Variants in STAG1 observed in about 807,000 individuals in gnomAD.
The protein encoded by STAG1 is cohesin subunit SA-1.
A neutral mutation model predicts 170.9 loss-of-function variants in STAG1; 26 were observed. That is an observed-to-expected ratio of 0.15 (90% CI 0.11 to 0.21). The LOEUF (loss-of-function observed/expected upper bound fraction) is 0.21, where lower values mean the gene tolerates loss of function less well. Among genes scored for constraint, STAG1 ranks in the 10% least tolerant of loss-of-function variants. STAG1 has a pLI of 1.00. For synonymous variants in STAG1, 514 were observed against 497.7 expected (o/e 1.03, Z -0.44); for missense variants, 964 against 1,509.5 (o/e 0.64, Z 5.99).
chr3:136,362,215 T>A (rs1936896785), intron 26 of STAG1, among the ~76,000 whole-genome samples: 1 of 151,420 alleles, frequency 6.6e-6, no homozygotes, highest in South Asian at 2.1e-4. Flanking sequence ...CGCCTCGGCC[T>A]CCCAAAGTGC....
intron 13 of STAG1, among the ~76,000 whole-genome samples, chr3:136,462,784 A>C (rs2089310896): frequency 6.6e-6 from 1 of 152,214 alleles, no homozygotes; most frequent in Admixed American, 6.5e-5. Flanking sequence ...GTACCCTATA[A>C]ATATGCATTT....
At chr3:136,477,475 G>A (rs983018284) in intron 9 of STAG1, 63 bp from the exon 10 acceptor site, 43 of 1,410,058 alleles carry the variant, frequency 3.0e-5, no homozygotes, top group Middle Eastern at 4.7e-4. Flanking sequence ...ATTCATACTC[G>A]CTTTCCATAA....
intron 1 of STAG1, among the ~76,000 whole-genome samples, chr3:136,670,478 G>T (rs1024264369): frequency 1.5e-4 from 23 of 152,146 alleles, no homozygotes; most frequent in Non-Finnish European, 2.8e-4. Context: ...TACCTTTTTT[G>T]GGGGGTGGGT....
At chr3:136,656,106 T>A (rs1377556449) in intron 1 of STAG1, among the ~76,000 whole-genome samples, 2 of 151,802 alleles carry the variant, frequency 1.3e-5, no homozygotes, top group Non-Finnish European at 1.5e-5. Flanking sequence ...TTCTGACAGA[T>A]GTTATGAATG....
intron 1 of STAG1, among the ~76,000 whole-genome samples, chr3:136,636,980 T>C (rs987227574): frequency 6.6e-6 from 1 of 152,096 alleles, no homozygotes; most frequent in East Asian, 1.9e-4. Flanking sequence ...CATGCACATA[T>C]CTGGTATGTG....
intron 1 of STAG1, among the ~76,000 whole-genome samples, chr3:136,728,544 G>A (rs186312273): frequency 5.0e-4 from 76 of 152,248 alleles, no homozygotes; most frequent in Non-Finnish European, 3.2e-4. Flanking sequence ...ACCACATGGG[G>A]CTATTGTAGG....
chr3:136,347,072 C>T (rs1338748313), intron 29 of STAG1, among the ~76,000 whole-genome samples: 1 of 147,324 alleles, frequency 6.8e-6, no homozygotes, highest in Non-Finnish European at 1.5e-5. Flanking sequence ...GAGTGAGACC[C>T]TGTCTCATTA....
intron 28 of STAG1, among the ~76,000 whole-genome samples, chr3:136,356,555 A>G (rs1365626677): frequency 6.6e-6 from 1 of 151,490 alleles, no homozygotes; most frequent in Admixed American, 6.6e-5. Flanking sequence ...TAATTTTAAA[A>G]TTTTTTTATA....
chr3:136,704,244 T>G (rs992924754), intron 1 of STAG1, among the ~76,000 whole-genome samples: 11 of 151,528 alleles, frequency 7.3e-5, no homozygotes, highest in African/African-American at 2.4e-4. Context: ...AGAGACAGTA[T>G]TTCACCATGT....
intron 23 of STAG1, among the ~76,000 whole-genome samples, chr3:136,375,670 G>A (rs1244673717): frequency 2.0e-5 from 3 of 152,008 alleles, no homozygotes; most frequent in Non-Finnish European, 4.4e-5. Flanking sequence ...CTGGATTTGG[G>A]GTTTAAATGG....
chr3:136,724,214 T>C (rs1237935992), intron 1 of STAG1, among the ~76,000 whole-genome samples: 1 of 152,026 alleles, frequency 6.6e-6, no homozygotes, highest in Non-Finnish European at 1.5e-5. Flanking sequence ...CATGTCTGTG[T>C]AGAAAGAGGT....
At chr3:136,585,142 T>C (rs1287319380) in intron 4 of STAG1, among the ~76,000 whole-genome samples, 1 of 152,196 alleles carries the variant, frequency 6.6e-6, no homozygotes, top group Non-Finnish European at 1.5e-5. Flanking sequence ...CTCACTTACG[T>C]CTTTTAAATC....
At chr3:136,677,115 A>G (rs1385318434) in intron 1 of STAG1, among the ~76,000 whole-genome samples, 1 of 152,156 alleles carries the variant, frequency 6.6e-6, no homozygotes, top group Non-Finnish European at 1.5e-5. Context: ...GTAGGAGTAC[A>G]CTCTAAAATA....
At chr3:136,525,612 C>T (rs960730776) in intron 6 of STAG1, among the ~76,000 whole-genome samples, 2 of 152,102 alleles carry the variant, frequency 1.3e-5, no homozygotes, top group East Asian at 1.9e-4. Flanking sequence ...CTGCTCTGAT[C>T]TTAGTTATTT....
At chr3:136,700,864 T>C (rs1346431047) in intron 1 of STAG1, among the ~76,000 whole-genome samples, 1 of 148,402 alleles carries the variant, frequency 6.7e-6, no homozygotes, top group Non-Finnish European at 1.5e-5. Flanking sequence ...GTGTGTGTGC[T>C]CTATTTTTTT....
intron 1 of STAG1, among the ~76,000 whole-genome samples, chr3:136,670,016 T>C (rs1249097615): frequency 6.6e-6 from 1 of 152,206 alleles, no homozygotes; most frequent in Admixed American, 6.5e-5. Flanking sequence ...CTCCAATATA[T>C]AAATTCCAGG....
intron 1 of STAG1, among the ~76,000 whole-genome samples, chr3:136,722,653 C>T (rs1933354742): frequency 6.7e-6 from 1 of 148,548 alleles, no homozygotes; most frequent in Admixed American, 6.6e-5. Context: ...TCCCTCTCCC[C>T]TCTCCCTTCT....
chr3:136,682,043 G>T (rs1942353984), intron 1 of STAG1, among the ~76,000 whole-genome samples: 1 of 151,898 alleles, frequency 6.6e-6, no homozygotes, highest in Admixed American at 6.6e-5. Flanking sequence ...GCAGGAAAAT[G>T]AAATAAAAAA....
intron 23 of STAG1, among the ~76,000 whole-genome samples, chr3:136,372,647 C>T (rs868763009): frequency 5.4e-4 from 81 of 151,332 alleles, no homozygotes; most frequent in Middle Eastern, 3.4e-3. Context: ...TGCTGGATTA[C>T]GTTTATTGAT....
Sources: gnomAD v4.1 joint callset for allele counts (sites outside exome capture counted in the v4.1 genomes callset) on GRCh38, gnomAD v4.1.1 for gene constraint, MANE v1.5 for transcripts, NCBI Gene and HGNC (gene_info 2026-07-23, HGNC 2026-07-21) for gene names.